The following PKD1 variants were observed in gnomAD, a reference collection of about 807,000 sequenced individuals.
PKD1 encodes polycystin-1.
In PKD1, 81 loss-of-function variants were observed where a neutral mutation model predicts 361.7. The ratio of observed to expected loss-of-function variants is 0.22; its 90% confidence interval spans 0.19 to 0.27. The LOEUF is 0.27. Ranked by LOEUF, PKD1 falls within the 10% of genes least tolerant of loss-of-function variation. The pLI is 1.00. For synonymous variants in PKD1, 3,615 were observed against 2,818.3 expected (o/e 1.28, Z -8.95); for missense variants, 6,399 against 6,118.3 (o/e 1.05, Z -1.53).
chr16:2,091,713 G>A (rs2091590487), intron 41 of PKD1, 68 bp downstream of exon 41: 6 of 1,589,980 alleles, frequency 3.8e-6, no homozygotes, highest in Admixed American at 1.7e-5. Context: ...GGGGGCCGGA[G>A]GAGTGAGGGT....
At position 2,106,506 on chromosome 16, in the gene PKD1, C is replaced by T. The variant is rs142261601; in HGVS notation, c.7381G>A (p.Ala2461Thr). 26 of 1,594,560 alleles carry T rather than the reference C, an allele frequency of 1.6e-5. No individual in the cohort carries two copies. The highest frequency in any genetic ancestry group is 2.0e-5 in the Non-Finnish European group (24 of 1,177,996). ...CGGTTGGGGGACAGGCGGATGGAGG[C>T]GCAGCCCTCCTCCTCGCCAGAGCGG... Reference protein sequence around the residue: ...LGRSGEEEGCASIRLSPNRPP... With the variant: ...LGRSGEEEGCTSIRLSPNRPP... Residue 2461 changes from alanine to threonine, a missense_variant, in exon 18 of 46, where the codon GCC becomes ACC. By Grantham distance (58) the Ala-to-Thr change is moderately conservative. Transcript: ENST00000262304. This position sits in a 1 kb window ranked among gnomAD's most constrained non-coding sequence, Gnocchi z 6.5.
In PKD1 at chr16:2,090,477, G is replaced by A. The variant is rs765396656; in HGVS notation, c.12252C>T (p.Pro4084=). The A allele has an allele frequency of 1.9e-6, 3 of 1,612,202 alleles. No homozygotes were observed. The highest frequency in any genetic ancestry group is 1.7e-6 in the Non-Finnish European group (2 of 1,179,750). ...GTGCCCAGAGCCCCACACACAGCAGGGGTGACAGGTGCCAGGACTCGGCAG... is the reference window on the plus strand; with the variant it reads ...GTGCCCAGAGCCCCACACACAGCAGAGGTGACAGGTGCCAGGACTCGGCAG... ...LCPAESWHLS[P]LLCVGLWALR... The change falls in exon 45 of 46, where the codon CCC becomes CCT. Residue 4084 remains proline, a synonymous_variant. Transcript: ENST00000262304.
At chr16:2,092,734 G>C (rs1567155687) in intron 38 of PKD1, 142 bp from the exon 39 acceptor site, 13 of 829,992 alleles carry the variant, frequency 1.6e-5, no homozygotes, top group South Asian at 4.3e-5. Flanking sequence ...TTATCCTGGG[G>C]ATGTTCTGGG....
intron 26 of PKD1, among the ~76,000 whole-genome samples, chr16:2,101,542 C>T (rs1025836815): frequency 3.9e-5 from 6 of 152,252 alleles, no homozygotes; most frequent in East Asian, 3.9e-4. Flanking sequence ...GGCTTAAACC[C>T]GGGAGCTGGA....
At position 2,094,156 on chromosome 16, in the gene PKD1, C is replaced by A; in HGVS notation, c.10554G>T (p.Glu3518Asp). Reference protein sequence around the residue: ...TETLALQRLGELGPPSPGLNW... With the variant: ...TETLALQRLGDLGPPSPGLNW... ...TCAGGCCTGGGCTGGGTGGCCCCAG[C>A]TCCCCCAGCCTCTGCAGCGCCAGCG... Residue 3518 changes from glutamate (E) to aspartate (D), a missense_variant, in exon 35 of 46, where the codon GAG (glutamate) becomes GAT (aspartate). Coordinates refer to ENST00000262304, the MANE Select transcript of PKD1 (RefSeq NM_001009944.3). The A allele has an allele frequency of 6.2e-7, 1 of 1,601,950 alleles. No individual in the cohort carries two copies. Among genetic ancestry groups the A allele is most frequent in the Non-Finnish European group, 8.5e-7 (1 of 1,174,436 alleles).
Position 2,135,062 on chromosome 16 carries a change from T to C in PKD1, c.215+413A>G. 2.1e-6 allele frequency: 2 copies of C among 969,938 alleles called. 1 individual carries two copies. The highest frequency in any genetic ancestry group is 2.5e-6 in the Non-Finnish European group (2 of 815,492). The allele number at this position is 969,938 out of a possible 1,614,324, so 60.1% of individuals were successfully genotyped here. ...CCTTCCTAAGCATCAGCCCAATTCTTGCACATCCATCAAATCCTTTTCCAG... is the reference window on the plus strand; with the variant it reads ...CCTTCCTAAGCATCAGCCCAATTCTCGCACATCCATCAAATCCTTTTCCAG... On this transcript the variant is annotated intron_variant, in intron 1 of 45. Transcript: ENST00000262304.
At chr16:2,096,989 T>C (rs2091874462) in intron 34 of PKD1, 159 bp downstream of exon 34, 1 of 642,242 alleles carries the variant, frequency 1.6e-6, no homozygotes. Flanking sequence ...ATGAGGCTCT[T>C]TCCACAGACA....
Position 2,097,327 on chromosome 16 carries a change from GAGA to G in PKD1, c.10394_10396del (p.Phe3465del). The G allele has an allele frequency of 3.1e-6, 5 of 1,612,922 alleles. No homozygotes were observed. Among genetic ancestry groups the G allele is most frequent in the Non-Finnish European group, 4.2e-6 (5 of 1,179,978 alleles). ...CTCTCACCCCAGCTCACCTGATGCTGAGAAGGATTTGGCAGGCGAGTAGGGGCT... is the reference window on the plus strand; with the variant it reads ...CTCTCACCCCAGCTCACCTGATGCTGAGGATTTGGCAGGCGAGTAGGGGCT... On this transcript the variant is annotated inframe_deletion, in exon 33 of 46. Coordinates refer to ENST00000262304, the MANE Select transcript of PKD1 (RefSeq NM_001009944.3).
Position 2,112,769 on chromosome 16 carries a change from C to G in PKD1, c.3161+19G>C. The G allele has an allele frequency of 6.3e-6, 10 of 1,593,408 alleles. No individual in the cohort carries two copies. The highest frequency in any genetic ancestry group is 8.5e-6 in the Non-Finnish European group (10 of 1,177,162). ...CAAGAGCCTGGTGCCCACCCCAAAC[C>G]GGCCCCCGAGTCACTCACAGGAAGG... On this transcript the variant is annotated intron_variant, in intron 13 of 45. Coordinates refer to ENST00000262304, the MANE Select transcript of PKD1 (RefSeq NM_001009944.3).
At chr16:2,122,482 G>C (rs1209038362) in intron 1 of PKD1, among the ~76,000 whole-genome samples, 1 of 152,224 alleles carries the variant, frequency 6.6e-6, no homozygotes, top group Non-Finnish European at 1.5e-5. Flanking sequence ...CACGGGCTGA[G>C]GTGCTCCCCA....
At chr16:2,130,626 G>T (rs1299960241) in intron 1 of PKD1, among the ~76,000 whole-genome samples, 12 of 152,206 alleles carry the variant, frequency 7.9e-5, no homozygotes, top group Non-Finnish European at 1.5e-5. Flanking sequence ...CCCCTCCGTG[G>T]CCTGGCCAGC....
chr16:2,132,291 C>T (rs1046982495), intron 1 of PKD1, among the ~76,000 whole-genome samples: 2 of 150,140 alleles, frequency 1.3e-5, no homozygotes, highest in African/African-American at 4.9e-5. Flanking sequence ...AGACATTGGC[C>T]GGGTGCGGTG....
rs375989563 is a variant in PKD1 at position 2,093,556 on chromosome 16, A to G, written c.11004T>C (p.His3668=). The change falls in exon 37 of 46, where the codon CAT becomes CAC. Residue 3668 remains histidine, a synonymous_variant. Transcript: ENST00000262304. ...CACCCAGGCTCACCCGCAGCATGCC[A>G]TGTAGCCTCTTGACCTTGCGGGCTT... ...KEEARKVKRL[H]GMLRSLLVYM... 1.2e-6 allele frequency: 2 copies of G among 1,603,260 alleles called. No individual in the cohort carries two copies. Among genetic ancestry groups the G allele is most frequent in the Non-Finnish European group, 8.5e-7 (1 of 1,175,260 alleles).
rs1168911293 is a variant in PKD1 at position 2,091,868 on chromosome 16, C to G, written c.11450G>C (p.Gly3817Ala). The G allele has an allele frequency of 2.5e-6, 4 of 1,611,006 alleles. No individual in the cohort carries two copies. The highest frequency in any genetic ancestry group is 2.7e-5 in the African/African-American group (2 of 74,878). Residue 3817 changes from glycine to alanine, a missense_variant, in exon 41 of 46, where the codon GGG becomes GCG. Physicochemically the swap from Gly to Ala is moderately conservative, Grantham distance 60. Coordinates refer to ENST00000262304, the MANE Select transcript of PKD1 (RefSeq NM_001009944.3). ...CAGGCCCAGCTCCTGCACGTAGCCC[C>G]CGCTGTCATACACGGCACAGGAGCC... ...SWGSCAVYDS[G>A]GYVQELGLSL...
At chr16:2,128,784 G>A (rs111978628) in intron 1 of PKD1, among the ~76,000 whole-genome samples, 2 of 151,780 alleles carry the variant, frequency 1.3e-5, no homozygotes, top group South Asian at 2.1e-4. Flanking sequence ...GCCTCACTGC[G>A]ACCTCTGCCT....
chr16:2,115,278 C>A (rs1286694504), intron 10 of PKD1, 100 bp downstream of exon 10: 1 of 1,251,372 alleles, frequency 8.0e-7, no homozygotes, highest in Non-Finnish European at 1.1e-6. Flanking sequence ...GAGGGGCCTG[C>A]AGGCTGGGTG....
Position 2,109,729 on chromosome 16 carries a change from C to G in PKD1, c.5438G>C (p.Gly1813Ala), listed in dbSNP as rs1176758659. 1 of 1,607,694 alleles carries G rather than the reference C, an allele frequency of 6.2e-7. No homozygotes were observed. Among genetic ancestry groups the G allele is most frequent in the South Asian group, 1.1e-5 (1 of 90,514 alleles). The change falls in exon 15 of 46, where the codon GGA becomes GCA. Residue 1813 changes from glycine to alanine, a missense_variant. By Grantham distance (60) the Gly-to-Ala change is moderately conservative. Coordinates refer to ENST00000262304, the MANE Select transcript of PKD1 (RefSeq NM_001009944.3). ...SGLSIRASEP[G>A]GSFVAAGSSV... ...GGACCCGGCCGCCACGAAGCTGCCTCCGGGCTCGCTGGCCCTGATGCTGAG... is the reference window on the plus strand; with the variant it reads ...GGACCCGGCCGCCACGAAGCTGCCTGCGGGCTCGCTGGCCCTGATGCTGAG...
rs145176597 is a variant in PKD1 at position 2,103,693 on chromosome 16, C to T, written c.8364G>A (p.Ser2788=). Residue 2788 remains serine (S), a synonymous_variant, in exon 23 of 46, where the codon TCG becomes TCA. Transcript: ENST00000262304. ...CATAGCACAGCAGGCTCCGCGGGTC[C>T]GAGCGCTTGCCCTGGGCCACGATCT... is the stretch of plus-strand genomic sequence containing the variant. ...GEEIVAQGKR[S]DPRSLLCYGG... 2.1e-3 allele frequency: 3,324 copies of T among 1,609,960 alleles called. 5 individuals carry two copies. The highest frequency in any genetic ancestry group is 2.6e-3 in the Non-Finnish European group (3,026 of 1,179,484).
rs1038398442 is a variant in PKD1, at chr16:2,100,993, CTTT to C, written c.9398-430_9398-428del. ...AGACCCAGGTGACAGTATTTTTTTT[CTTT>C]TTTTTTTGAGATGGAGTCTTGCTGT... On this transcript the variant is annotated intron_variant, in intron 26 of 45. Coordinates refer to ENST00000262304, the MANE Select transcript of PKD1 (RefSeq NM_001009944.3). This position sits in a 1 kb window ranked among gnomAD's most constrained non-coding sequence, Gnocchi z 4.4. 7.4e-5 allele frequency among the ~76,000 whole-genome samples: 11 copies of C among 149,096 alleles called. No homozygotes were observed. The highest frequency in any genetic ancestry group is 1.5e-4 in the Non-Finnish European group (10 of 67,132).
Sources: allele counts gnomAD v4.1 joint callset (sites outside exome capture counted in the v4.1 genomes callset), GRCh38; gene constraint gnomAD v4.1.1; non-coding constraint Gnocchi (gnomAD v3.1); transcripts MANE v1.5; gene names NCBI Gene and HGNC (gene_info 2026-07-23, HGNC 2026-07-21).